The following CFAP44 variants were observed in gnomAD, a reference collection of about 807,000 sequenced individuals.
CFAP44 encodes cilia and flagella associated protein 44, also known as cilia- and flagella-associated protein 44.
Under a neutral mutation model 216.2 loss-of-function variants are expected in CFAP44, and 134 were observed. That is an observed-to-expected ratio of 0.62 (90% CI 0.54 to 0.72). The LOEUF is 0.72. Ranked by LOEUF, CFAP44 falls within the 30% of genes least tolerant of loss-of-function variation. The pLI, the probability that CFAP44 is intolerant of heterozygous loss-of-function variation, is 0.00. For missense variants in CFAP44, 2,035 were observed against 2,182.1 expected (o/e 0.93, Z 1.34); for synonymous variants, 700 against 727.6 (o/e 0.96, Z 0.61).
At chr3:113,377,775 C>G (rs1447287060) in intron 17 of CFAP44, among the ~76,000 whole-genome samples, 1 of 152,090 alleles carries the variant, frequency 6.6e-6, no homozygotes, top group Non-Finnish European at 1.5e-5. Flanking sequence ...GCCTTGGCCT[C>G]CCGAGTAGCT....
chr3:113,325,220 T>C (rs1362317325), intron 28 of CFAP44, among the ~76,000 whole-genome samples: 1 of 147,274 alleles, frequency 6.8e-6, no homozygotes, highest in African/African-American at 2.5e-5. Flanking sequence ...GAGAGTGGTG[T>C]GAACCCGAGG....
At chr3:113,315,102 T>C (rs1024520490) in intron 28 of CFAP44, among the ~76,000 whole-genome samples, 1 of 152,096 alleles carries the variant, frequency 6.6e-6, no homozygotes, top group Non-Finnish European at 1.5e-5. Flanking sequence ...GTATTAAATG[T>C]AAATGGTTTA....
At chr3:113,300,783 T>A (rs1321228217) in intron 32 of CFAP44, among the ~76,000 whole-genome samples, 1 of 152,044 alleles carries the variant, frequency 6.6e-6, no homozygotes, top group East Asian at 1.9e-4. Flanking sequence ...GAAAATGAAA[T>A]TAAGACCATG....
chr3:113,324,085 C>G (rs1470705388), intron 28 of CFAP44, among the ~76,000 whole-genome samples: 1 of 149,634 alleles, frequency 6.7e-6, no homozygotes, highest in Non-Finnish European at 1.5e-5. Context: ...TTTGAACAAC[C>G]CTATAACTAT....
chr3:113,371,187 A>T (rs1933149323), intron 18 of CFAP44, among the ~76,000 whole-genome samples: 2 of 152,228 alleles, frequency 1.3e-5, no homozygotes, highest in African/African-American at 2.4e-5. Context: ...TGCCATCCCC[A>T]TCAAGCTACC....
chr3:113,350,390 G>T (rs9842039), intron 22 of CFAP44, among the ~76,000 whole-genome samples: 3 of 151,822 alleles, frequency 2.0e-5, no homozygotes, highest in Admixed American at 6.6e-5. Flanking sequence ...GTCAAAGAGA[G>T]AGAGGAAGAG....
intron 23 of CFAP44, among the ~76,000 whole-genome samples, chr3:113,343,474 T>C (rs191909418): frequency 6.6e-6 from 1 of 152,202 alleles, no homozygotes; most frequent in Non-Finnish European, 1.5e-5. Flanking sequence ...TTTCATCATA[T>C]TTCATATTTC....
chr3:113,393,059 G>T (rs926375411), intron 15 of CFAP44, among the ~76,000 whole-genome samples: 1 of 152,068 alleles, frequency 6.6e-6, no homozygotes, highest in Non-Finnish European at 1.5e-5. Flanking sequence ...TACATGGGAC[G>T]CACCCTTACC....
chr3:113,382,651 G>GA (rs952319259), intron 15 of CFAP44, among the ~76,000 whole-genome samples: 10 of 151,748 alleles, frequency 6.6e-5, no homozygotes, highest in African/African-American at 1.5e-4. Flanking sequence ...GTAAAATATT[G>GA]AAAAAAAACT....
At chr3:113,407,615 A>T (rs943909837) in intron 7 of CFAP44, among the ~76,000 whole-genome samples, 3 of 152,232 alleles carry the variant, frequency 2.0e-5, no homozygotes, top group African/African-American at 7.2e-5. Flanking sequence ...AATTAGTAAC[A>T]TCTACCTCAT....
At chr3:113,410,635 T>G (rs1416092805) in intron 6 of CFAP44, among the ~76,000 whole-genome samples, 1 of 152,252 alleles carries the variant, frequency 6.6e-6, no homozygotes, top group Non-Finnish European at 1.5e-5. Context: ...TATAGTAGCA[T>G]GATTTATAAT....
chr3:113,292,143 T>A (rs1194822359), intron 34 of CFAP44, among the ~76,000 whole-genome samples: 1 of 152,212 alleles, frequency 6.6e-6, no homozygotes, highest in Non-Finnish European at 1.5e-5. Flanking sequence ...CTCCTACTCA[T>A]GTTTCACACA....
rs985125325 is a variant in CFAP44 at position 113,294,193 on chromosome 3, T to C, written c.5373+494A>G. Reference sequence around the variant, plus strand: ...GGATTGGGTAAATATTAATTAGGTATATCCACCACATACAATGTATTAAGT... The same window carrying C: ...GGATTGGGTAAATATTAATTAGGTACATCCACCACATACAATGTATTAAGT... On this transcript the variant is annotated intron_variant, in intron 34 of 34. Coordinates refer to ENST00000393845, the MANE Select transcript of CFAP44 (RefSeq NM_001164496.2). The C allele has an allele frequency of 1.3e-5, 5 of 378,408 alleles. No homozygotes were observed. The Admixed American group carries it at 1.6e-4, about 12-fold the overall frequency. 23.4% of individuals were successfully genotyped at this position (378,408 alleles called of 1,614,324 possible). A position where few individuals can be genotyped will look rare whatever the true frequency, so the allele number is the denominator to read the frequency against.
Position 113,305,576 on chromosome 3 carries a change from T to C in CFAP44, c.4759-424A>G, listed in dbSNP as rs146067340. 3.8e-3 allele frequency among the ~76,000 whole-genome samples: 572 copies of C among 152,294 alleles called. 5 individuals are homozygous for C. Among genetic ancestry groups the C allele is most frequent in the African/African-American group, 0.013 (533 of 41,568 alleles). ...TAACTATAGTATTTCTAAAGCACAT[T>C]CTCCATGTCCTAGAAAACCTGAAAG... On this transcript the variant is annotated intron_variant, in intron 30 of 34. Transcript: ENST00000393845.
At chr3:113,342,523 G>A (rs1383639575) in intron 23 of CFAP44, among the ~76,000 whole-genome samples, 1 of 152,084 alleles carries the variant, frequency 6.6e-6, no homozygotes, top group Non-Finnish European at 1.5e-5. Flanking sequence ...ATAAATGATG[G>A]TGGACCACTA....
chr3:113,392,636 C>T (rs1933876031), intron 15 of CFAP44, among the ~76,000 whole-genome samples: 2 of 152,064 alleles, frequency 1.3e-5, no homozygotes, highest in Admixed American at 1.3e-4. Flanking sequence ...GATTATTATG[C>T]ATTATATGCC....
intron 4 of CFAP44, among the ~76,000 whole-genome samples, chr3:113,420,509 G>T (rs574677528): frequency 1.3e-5 from 2 of 152,206 alleles, no homozygotes; most frequent in Non-Finnish European, 2.9e-5. Context: ...AATAAATAAG[G>T]TTAAACCTAT....
chr3:113,408,089 T>C (rs1934337996), intron 7 of CFAP44, among the ~76,000 whole-genome samples: 1 of 152,224 alleles, frequency 6.6e-6, no homozygotes, highest in African/African-American at 2.4e-5. Context: ...TTAGTCTATA[T>C]TTCTAATAAA....
intron 22 of CFAP44, among the ~76,000 whole-genome samples, chr3:113,353,673 A>C (rs1234814875): frequency 1.3e-5 from 2 of 152,216 alleles, no homozygotes; most frequent in Non-Finnish European, 2.9e-5. Context: ...TCAGGGATTT[A>C]ATACCTGGTA....
Sources: allele counts gnomAD v4.1 joint callset (sites outside exome capture counted in the v4.1 genomes callset), GRCh38; gene constraint gnomAD v4.1.1; transcripts MANE v1.5; gene names NCBI Gene and HGNC (gene_info 2026-07-23, HGNC 2026-07-21).